Variants in SHISA6 observed in about 807,000 individuals in gnomAD.
SHISA6 encodes the protein shisa family member 6.
Under a neutral mutation model 47.9 loss-of-function variants are expected in SHISA6, and 22 were observed. The ratio of observed to expected loss-of-function variants is 0.46; its 90% CI spans 0.33 to 0.66. The LOEUF is 0.66. Ranked by LOEUF, SHISA6 falls within the 30% of genes least tolerant of loss-of-function variation. The pLI is 0.02. For synonymous variants in SHISA6, 388 were observed against 337.8 expected (o/e 1.15, Z -1.63); for missense variants, 680 against 764.6 (o/e 0.89, Z 1.30).
intron 2 of SHISA6, among the ~76,000 whole-genome samples, chr17:11,331,295 C>T (rs937895095): frequency 1.3e-5 from 2 of 152,066 alleles, no homozygotes; most frequent in Admixed American, 6.5e-5. Flanking sequence ...GAAGTACAGG[C>T]CAAAAGAGAC....
chr17:11,267,376 A>T (rs188108220), intron 2 of SHISA6, among the ~76,000 whole-genome samples: 283 of 152,264 alleles, frequency 1.9e-3, no homozygotes, highest in Middle Eastern at 0.014. Context: ...TTTTAACAAG[A>T]TCCTCAGAGG....
intron 2 of SHISA6, among the ~76,000 whole-genome samples, chr17:11,359,999 A>C (rs1252759632): frequency 2.6e-5 from 4 of 152,226 alleles, no homozygotes; most frequent in Non-Finnish European, 5.9e-5. Flanking sequence ...TCATTCTACT[A>C]TAAAGACACA....
chr17:11,382,940 T>A, intron 3 of SHISA6, among the ~76,000 whole-genome samples: 1 of 141,914 alleles, frequency 7.0e-6, no homozygotes, highest in South Asian at 2.5e-4. Flanking sequence ...TTTTTTTTTT[T>A]TTTTTTTTTT....
rs181733487 is a variant in SHISA6 at position 11,530,751 on chromosome 17, G to T, written c.896-21145G>T. On this transcript the variant is annotated intron_variant, in intron 3 of 5. Transcript: ENST00000441885. The stretch of plus-strand genomic sequence containing the variant: ...TTTAAGATGTTCTTCTTTGTGGAAG[G>T]TTTTCCATACTCATGAGGAAAAGAA... Among the ~76,000 whole-genome samples, 6 of 152,268 alleles carry T rather than the reference G, an allele frequency of 3.9e-5. No homozygotes were observed. In the East Asian group the frequency reaches 1.2e-3, roughly 29 times the overall value.
intron 2 of SHISA6, among the ~76,000 whole-genome samples, chr17:11,329,047 T>C (rs1039416983): frequency 6.6e-6 from 1 of 152,190 alleles, no homozygotes; most frequent in African/African-American, 2.4e-5. Context: ...AGGACATCCA[T>C]GCAGGCACAT....
At chr17:11,345,705 GA>G (rs1911681833) in intron 2 of SHISA6, among the ~76,000 whole-genome samples, 1 of 151,866 alleles carries the variant, frequency 6.6e-6, no homozygotes, top group Admixed American at 6.6e-5. Flanking sequence ...TTTATTACTA[GA>G]TATTTTATTT....
intron 2 of SHISA6, among the ~76,000 whole-genome samples, chr17:11,305,938 T>C (rs1244613143): frequency 6.6e-6 from 1 of 152,102 alleles, no homozygotes; most frequent in Non-Finnish European, 1.5e-5. Flanking sequence ...TTAGTGGTCT[T>C]CACTGTCATA....
rs570769907 is a variant in SHISA6, at chr17:11,490,339, G to A, written c.896-61557G>A. Among the ~76,000 whole-genome samples, 5 of 152,270 alleles carry A rather than the reference G, an allele frequency of 3.3e-5. No homozygotes were observed. The South Asian group carries it at 1.0e-3, about 32-fold the overall frequency. On this transcript the variant is annotated intron_variant, in intron 3 of 5. Transcript: ENST00000441885. ...GTCCAATTGCAGACACTGAGAGGGA[G>A]TAAGAGAAGAGGAAAAATGAAGGAG...
chr17:11,252,737 C>T (rs1321651606), intron 1 of SHISA6, among the ~76,000 whole-genome samples: 1 of 152,192 alleles, frequency 6.6e-6, no homozygotes, highest in Non-Finnish European at 1.5e-5. Context: ...ACGGCTTTGA[C>T]TGAAGGTGAG....
Position 11,433,398 on chromosome 17 carries a change from C to A in SHISA6, c.895+53889C>A, listed in dbSNP as rs577861934. On this transcript the variant is annotated intron_variant, in intron 3 of 5. Coordinates refer to ENST00000441885, the MANE Select transcript of SHISA6 (RefSeq NM_207386.4). ...GTTTCCAGCTCCATCCGTGTCCCTG[C>A]AAAGGACATGAACTCATCCTTTTTT... Among the ~76,000 whole-genome samples, 3 of 152,268 alleles carry A rather than the reference C, an allele frequency of 2.0e-5. No individual in the cohort carries two copies. The East Asian group carries it at 5.8e-4, about 29-fold the overall frequency.
At chr17:11,475,885 T>C (rs1285810644) in intron 3 of SHISA6, among the ~76,000 whole-genome samples, 1 of 152,056 alleles carries the variant, frequency 6.6e-6, no homozygotes, top group Admixed American at 6.6e-5. Flanking sequence ...AAATGTTTGG[T>C]AGAGTTCATG....
rs530274268 is a variant in SHISA6 at position 11,460,734 on chromosome 17, T to C, written c.895+81225T>C. 3.3e-5 allele frequency among the ~76,000 whole-genome samples: 5 copies of C among 152,018 alleles called. No individual in the cohort carries two copies. In the South Asian group the frequency reaches 1.0e-3, roughly 32 times the overall value. On this transcript the variant is annotated intron_variant, in intron 3 of 5. Coordinates refer to ENST00000441885, the MANE Select transcript of SHISA6 (RefSeq NM_207386.4). ...GTAGATCCAGAACTCCTGGATAGGG[T>C]AGGTAAGGAAGTGAGGCCAAGGCGA...
intron 3 of SHISA6, among the ~76,000 whole-genome samples, chr17:11,428,779 CTTTTTTTTTTTT>C (rs34920362): frequency 3.1e-5 from 3 of 96,060 alleles, no homozygotes; most frequent in Non-Finnish European, 6.1e-5. Context: ...GATCCACTTT[CTTTTTTTTTTTT>C]TTTTTTTTTT....
At chr17:11,373,583 T>A (rs1039626277) in intron 2 of SHISA6, among the ~76,000 whole-genome samples, 2 of 152,232 alleles carry the variant, frequency 1.3e-5, no homozygotes, top group African/African-American at 4.8e-5. Flanking sequence ...ATACTACATA[T>A]GCACGCATCC....
chr17:11,501,770 C>T (rs1035510565), intron 3 of SHISA6, among the ~76,000 whole-genome samples: 5 of 151,870 alleles, frequency 3.3e-5, no homozygotes, highest in African/African-American at 1.2e-4. Context: ...AGAAAAAGAG[C>T]CTCCGGTGAC....
At chr17:11,425,341 G>C (rs953787751) in intron 3 of SHISA6, among the ~76,000 whole-genome samples, 3 of 151,948 alleles carry the variant, frequency 2.0e-5, no homozygotes, top group Non-Finnish European at 4.4e-5. Context: ...GGCCAATCTA[G>C]ATCATGCTCC....
At chr17:11,290,689 T>TTG (rs1491118124) in intron 2 of SHISA6, 2 of 152,076 alleles carry the variant, frequency 1.3e-5, no homozygotes, top group African/African-American at 4.8e-5. Context: ...TTTTGTTCTC[T>TTG]TGATTAAAGT....
At position 11,311,297 on chromosome 17, in the gene SHISA6, A is replaced by AC. The variant is rs1567568883; in HGVS notation, c.799+47771_799+47772insC. ...ACTTCGTCAAAAAAAAAAAAAAAAAAAAACCGACAAACAAAAAAAATCACC... is the reference window on the plus strand; with the variant it reads ...ACTTCGTCAAAAAAAAAAAAAAAAAACAAACCGACAAACAAAAAAAATCACC... On this transcript the variant is annotated intron_variant, in intron 2 of 5. Transcript: ENST00000441885. Among the ~76,000 whole-genome samples the AC allele has an allele frequency of 1.2e-3, 173 of 142,572 alleles. 4 individuals are homozygous for AC. Among genetic ancestry groups the AC allele is most frequent in the African/African-American group, 4.1e-3 (157 of 38,002 alleles). 93.5% of individuals were successfully genotyped at this position (142,572 alleles called of 152,430 possible).
rs190876440 is a variant in SHISA6, at chr17:11,469,719, A to G, written c.896-82177A>G. Among the ~76,000 whole-genome samples the G allele has an allele frequency of 3.2e-3, 482 of 152,168 alleles. 2 individuals carry two copies. Among genetic ancestry groups the G allele is most frequent in the African/African-American group, 0.011 (460 of 41,518 alleles). On this transcript the variant is annotated intron_variant, in intron 3 of 5. Coordinates refer to ENST00000441885, the MANE Select transcript of SHISA6 (RefSeq NM_207386.4). ...TCTCCCTGCCTCTCCCTGATACCCAACAGAGCTCCAGCTCCAGACTGGAGC... is the reference window on the plus strand; with the variant it reads ...TCTCCCTGCCTCTCCCTGATACCCAGCAGAGCTCCAGCTCCAGACTGGAGC...
Sources: gnomAD v4.1 joint callset for allele counts (sites outside exome capture counted in the v4.1 genomes callset) on GRCh38, gnomAD v4.1.1 for gene constraint, MANE v1.5 for transcripts, NCBI Gene and HGNC (gene_info 2026-07-23, HGNC 2026-07-21) for gene names.